Variants in SLC25A21 observed in about 807,000 individuals in gnomAD.
The protein encoded by SLC25A21 is solute carrier family 25 member 21.
SLC25A21 carries 47 observed loss-of-function variants against 43.8 expected under a neutral mutation model. The ratio of observed to expected loss-of-function variants is 1.07; its 90% CI spans 0.85 to 1.37. The LOEUF is 1.37. SLC25A21 is among the 40% of genes most tolerant of loss of function. The probability of loss-of-function intolerance (pLI) is 0.00; values close to 1 mark genes in which losing one functional copy is unlikely to be tolerated. For synonymous variants in SLC25A21, 131 were observed against 121.3 expected, an observed-to-expected ratio of 1.08 and a Z score of -0.52; for missense variants, 352 against 350.2, an observed-to-expected ratio of 1.00 and a Z score of -0.04.
intron 2 of SLC25A21, among the ~76,000 whole-genome samples, chr14:36,841,886 G>A (rs1443158520): frequency 6.6e-6 from 1 of 152,182 alleles, no homozygotes; most frequent in Non-Finnish European, 1.5e-5. Flanking sequence ...CTTCCTCTGT[G>A]CTTTATTTGT....
At chr14:37,113,540 AT>A (rs1161228724) in intron 1 of SLC25A21, among the ~76,000 whole-genome samples, 1 of 152,152 alleles carries the variant, frequency 6.6e-6, no homozygotes, top group Non-Finnish European at 1.5e-5. Flanking sequence ...ATATACAATT[AT>A]TGTAACTCAT....
chr14:36,846,937 A>C (rs1889563468), intron 2 of SLC25A21, among the ~76,000 whole-genome samples: 1 of 152,054 alleles, frequency 6.6e-6, no homozygotes. Context: ...CAAAACTATG[A>C]TTTTCTCCTA....
chr14:36,914,705 T>C (rs1161225727), intron 1 of SLC25A21, among the ~76,000 whole-genome samples: 1 of 152,080 alleles, frequency 6.6e-6, no homozygotes. Flanking sequence ...AAATAGGGTA[T>C]CTTGCACCAA....
intron 1 of SLC25A21, among the ~76,000 whole-genome samples, chr14:36,923,037 G>C (rs546736539): frequency 6.6e-6 from 1 of 152,192 alleles, no homozygotes; most frequent in Non-Finnish European, 1.5e-5. Context: ...GGGGAAATTA[G>C]TAGACAAGGC....
chr14:36,828,229 G>A (rs1266973607), intron 2 of SLC25A21, among the ~76,000 whole-genome samples: 1 of 152,030 alleles, frequency 6.6e-6, no homozygotes, highest in Non-Finnish European at 1.5e-5. Flanking sequence ...GTCATATAAA[G>A]TTGATTCTAG....
At chr14:37,132,973 TC>T (rs1180107771) in intron 1 of SLC25A21, among the ~76,000 whole-genome samples, 2 of 151,952 alleles carry the variant, frequency 1.3e-5, no homozygotes, top group Non-Finnish European at 2.9e-5. Flanking sequence ...CAAGCAATCC[TC>T]CCGCATCAGC....
At chr14:36,692,842 C>A (rs1882848307) in intron 7 of SLC25A21, among the ~76,000 whole-genome samples, 1 of 152,206 alleles carries the variant, frequency 6.6e-6, no homozygotes, top group Admixed American at 6.5e-5. Flanking sequence ...CACCTCATGT[C>A]AGCCCAAATC....
chr14:36,767,780 A>G (rs1437705892), intron 3 of SLC25A21, among the ~76,000 whole-genome samples: 2 of 152,250 alleles, frequency 1.3e-5, no homozygotes, highest in East Asian at 1.9e-4. Flanking sequence ...TAGCTGACAC[A>G]TGACACCCAA....
At chr14:37,056,198 T>C (rs1268782374) in intron 1 of SLC25A21, among the ~76,000 whole-genome samples, 3 of 152,106 alleles carry the variant, frequency 2.0e-5, no homozygotes, top group Non-Finnish European at 4.4e-5. Context: ...CTTTATAAAT[T>C]ACCTAGTCTC....
intron 3 of SLC25A21, among the ~76,000 whole-genome samples, chr14:36,760,338 A>AGGAAGGAAGGAAGGAC (rs1386419585): frequency 1.3e-5 from 1 of 76,480 alleles, no homozygotes; most frequent in African/African-American, 4.4e-5. Flanking sequence ...GGCAGAAGGA[A>AGGAAGGAAGGAAGGAC]GGAAGGAAGG....
intron 1 of SLC25A21, among the ~76,000 whole-genome samples, chr14:37,151,992 T>C (rs915939244): frequency 6.6e-6 from 1 of 152,070 alleles, no homozygotes; most frequent in Non-Finnish European, 1.5e-5. Context: ...CCGAGGTCAC[T>C]TCACTGCACT....
At chr14:37,172,199 G>A (rs1964143810) in intron 1 of SLC25A21, 82 bp downstream of exon 1, 1 of 1,381,168 alleles carries the variant, frequency 7.2e-7, no homozygotes, top group East Asian at 2.5e-5. Flanking sequence ...CTTCAGTAAG[G>A]AGACCTGTCT....
intron 1 of SLC25A21, among the ~76,000 whole-genome samples, chr14:37,162,006 A>G (rs1472443675): frequency 3.3e-5 from 5 of 151,336 alleles, no homozygotes; most frequent in Non-Finnish European, 1.5e-5. Context: ...TAAAAAAAAA[A>G]TTAAAAAGAT....
At chr14:36,928,445 T>G (rs369635808) in intron 1 of SLC25A21, among the ~76,000 whole-genome samples, 1 of 150,030 alleles carries the variant, frequency 6.7e-6, no homozygotes, top group African/African-American at 2.4e-5. Context: ...ATTTTTTTTT[T>G]GTTTTGTTTT....
intron 6 of SLC25A21, among the ~76,000 whole-genome samples, chr14:36,713,086 T>TC (rs911138704): frequency 1.8e-4 from 27 of 152,152 alleles, no homozygotes; most frequent in Non-Finnish European, 3.1e-4. Flanking sequence ...ACACAGGTTC[T>TC]CCCTGCACCC....
intron 2 of SLC25A21, among the ~76,000 whole-genome samples, chr14:36,815,491 G>A (rs943085020): frequency 6.6e-6 from 1 of 152,154 alleles, no homozygotes; most frequent in African/African-American, 2.4e-5. Context: ...CTCGGTGATG[G>A]AACAAGGTTG....
At chr14:36,757,238 A>T (rs575984501) in intron 3 of SLC25A21, among the ~76,000 whole-genome samples, 66 of 152,302 alleles carry the variant, frequency 4.3e-4, no homozygotes, top group Middle Eastern at 3.4e-3. Flanking sequence ...AGCCTGGGTG[A>T]CAGAGTGAGA....
chr14:36,978,632 A>G lies in SLC25A21; in HGVS notation c.71-103628T>C, dbSNP rs549019261. Among the ~76,000 whole-genome samples, 23 of 152,360 alleles carry G rather than the reference A, an allele frequency of 1.5e-4. No homozygotes were observed. The South Asian group carries it at 4.8e-3, about 32-fold the overall frequency. ...CTCAAAATAGAGTATAAAATCTAAT[A>G]TAATATAAAACTTTACAATAATTAA... On this transcript the variant is annotated intron_variant, in intron 1 of 9. Transcript: ENST00000331299.
chr14:36,794,566 G>A (rs565054463), intron 3 of SLC25A21, among the ~76,000 whole-genome samples: 1 of 152,230 alleles, frequency 6.6e-6, no homozygotes, highest in East Asian at 1.9e-4. Flanking sequence ...TCAGGAGTTT[G>A]AGACCAGCCT....
Sources: allele counts gnomAD v4.1 joint callset (sites outside exome capture counted in the v4.1 genomes callset), GRCh38; gene constraint gnomAD v4.1.1; transcripts MANE v1.5; gene names NCBI Gene and HGNC (gene_info 2026-07-23, HGNC 2026-07-21).